EPHA6: variants seen among roughly 807,000 people sequenced by gnomAD.
EPHA6 encodes the protein EPH receptor A6, also known as ephrin type-A receptor 6.
EPHA6 carries 50 observed loss-of-function variants against 112.0 expected under a neutral mutation model. That is an observed-to-expected ratio of 0.45 (90% CI 0.36 to 0.56). EPHA6 has a LOEUF of 0.56. EPHA6 is among the 20% of genes least tolerant of loss of function. The pLI, the probability that EPHA6 is intolerant of heterozygous loss-of-function variation, is 0.00. For synonymous variants in EPHA6, 529 were observed against 490.7 expected, an observed-to-expected ratio of 1.08 and a Z score of -1.03; for missense variants, 1,280 against 1,417.4, an observed-to-expected ratio of 0.90 and a Z score of 1.56.
intron 3 of EPHA6, among the ~76,000 whole-genome samples, chr3:97,137,719 G>A (rs1559751047): frequency 6.6e-6 from 1 of 152,062 alleles, no homozygotes; most frequent in Non-Finnish European, 1.5e-5. Flanking sequence ...AGTAGGTCTA[G>A]ACATTGGTTT....
chr3:97,743,097 C>T (rs1455729292), intron 16 of EPHA6, among the ~76,000 whole-genome samples: 7 of 152,070 alleles, frequency 4.6e-5, no homozygotes, highest in African/African-American at 7.2e-5. Flanking sequence ...ACAGAATAAA[C>T]ATTTTCGCAA....
At chr3:96,829,809 T>A (rs950062285) in intron 1 of EPHA6, among the ~76,000 whole-genome samples, 4 of 152,086 alleles carry the variant, frequency 2.6e-5, no homozygotes, top group African/African-American at 9.7e-5. Context: ...AATGGAAATA[T>A]ATTGAGTTAC....
At chr3:96,988,400 G>C (rs748271931) in intron 3 of EPHA6, among the ~76,000 whole-genome samples, 1 of 152,026 alleles carries the variant, frequency 6.6e-6, no homozygotes, top group Non-Finnish European at 1.5e-5. Context: ...TTTTTATAAA[G>C]GAAAGCAGCA....
chr3:96,979,961 A>C (rs1204921500), intron 2 of EPHA6, among the ~76,000 whole-genome samples: 2 of 152,208 alleles, frequency 1.3e-5, no homozygotes. Flanking sequence ...GCCCTTTGTC[A>C]GATGAGTAGA....
intron 3 of EPHA6, among the ~76,000 whole-genome samples, chr3:97,050,622 T>C (rs1021693816): frequency 3.9e-5 from 6 of 152,148 alleles, no homozygotes; most frequent in African/African-American, 1.4e-4. Context: ...GGTAAGGAAA[T>C]AGAGTTCATG....
At chr3:97,265,600 G>A (rs2079652023) in intron 5 of EPHA6, among the ~76,000 whole-genome samples, 1 of 152,168 alleles carries the variant, frequency 6.6e-6, no homozygotes, top group South Asian at 2.1e-4. Context: ...AGGGGCAGGG[G>A]GGGCCTTCCC....
chr3:97,166,238 C>T (rs1299186944), intron 3 of EPHA6, among the ~76,000 whole-genome samples: 1 of 151,986 alleles, frequency 6.6e-6, no homozygotes, highest in African/African-American at 2.4e-5. Context: ...TACTTACACA[C>T]TTTAAACAAT....
intron 3 of EPHA6, among the ~76,000 whole-genome samples, chr3:97,168,619 C>T (rs72922351): frequency 3.3e-5 from 5 of 151,036 alleles, no homozygotes; most frequent in African/African-American, 1.2e-4. Context: ...GTCTCTGTCT[C>T]TCTCTTTCTC....
In EPHA6 at chr3:97,405,290, A is replaced by G; in HGVS notation, c.1731+16A>G. The G allele has an allele frequency of 6.2e-7, 1 of 1,606,060 alleles. No individual in the cohort carries two copies. On this transcript the variant is annotated intron_variant, in intron 6 of 17. Transcript: ENST00000389672. ...CTATGAGAAAGTAGGTCTTATTTGG[A>G]GCTTCCTATAAAACTACATATATAT...
chr3:97,649,794 CAAT>C (rs920048924), intron 14 of EPHA6, among the ~76,000 whole-genome samples: 27 of 149,988 alleles, frequency 1.8e-4, no homozygotes, highest in Admixed American at 5.3e-4. Flanking sequence ...ACACACACAA[CAAT>C]AGTTCTATGA....
rs533405941 is a variant in EPHA6, at chr3:96,892,940, T to TTA, written c.450+26065_450+26066dup. The stretch of plus-strand genomic sequence containing the variant: ...GTGTTTAGCCTAGCCTGATTCCAAC[T>TTA]TATATATATATATATGTGTGTGTGT... On this transcript the variant is annotated intron_variant, in intron 2 of 17. Coordinates refer to ENST00000389672, the MANE Select transcript of EPHA6 (RefSeq NM_001080448.3). 8.9e-3 allele frequency among the ~76,000 whole-genome samples: 1,290 copies of TTA among 145,498 alleles called. 54 individuals carry two copies. In the East Asian group the frequency reaches 0.13, roughly 15 times the overall value.
At position 96,994,728 on chromosome 3, in the gene EPHA6, T is replaced by TAG. The variant is rs1455826302; in HGVS notation, c.1114+6736_1114+6737insGA. On this transcript the variant is annotated intron_variant, in intron 3 of 17. Coordinates refer to ENST00000389672, the MANE Select transcript of EPHA6 (RefSeq NM_001080448.3). The stretch of plus-strand genomic sequence containing the variant: ...GTGTGTGTATATATATATATATATA[T>TAG]ATATAGAGAGAGAGAGAGAGAGAGA... 1.4e-3 allele frequency among the ~76,000 whole-genome samples: 112 copies of TAG among 78,818 alleles called. 1 individual carries two copies. The highest frequency in any genetic ancestry group is 5.6e-3 in the Middle Eastern group (1 of 180). 51.7% of individuals were successfully genotyped at this position (78,818 alleles called of 152,430 possible).
chr3:97,742,681 A>G (rs559479113), intron 16 of EPHA6, among the ~76,000 whole-genome samples: 5 of 152,260 alleles, frequency 3.3e-5, no homozygotes, highest in African/African-American at 7.2e-5. Flanking sequence ...ATCTATATCT[A>G]TATAGTATAT....
intron 3 of EPHA6, among the ~76,000 whole-genome samples, chr3:97,172,403 G>A (rs2076727191): frequency 6.6e-6 from 1 of 151,958 alleles, no homozygotes; most frequent in Non-Finnish European, 1.5e-5. Context: ...TTTCTATCCA[G>A]AATGCTAAAA....
rs778370956 is a variant in EPHA6, at chr3:97,483,952, A to C, written c.2093A>C (p.Lys698Thr). The C allele has an allele frequency of 6.3e-7, 1 of 1,599,804 alleles. No homozygotes were observed. Among genetic ancestry groups the C allele is most frequent in the Non-Finnish European group, 8.5e-7 (1 of 1,174,198 alleles). ...GTTGCAGTGCGCTTCCCGGGAATTA[A>C]AACTTACATTGATCCAGATACATAT... The part of the protein sequence containing the change: ...QNGHLRFPGI[K>T]TYIDPDTYED... Residue 698 changes from lysine to threonine, a missense_variant, in exon 10 of 18, where the codon AAA (lysine) becomes ACA (threonine). This residue lies in a region of EPHA6 where 878 missense variants were observed against 999.7 expected (regional missense o/e 0.88). Transcript: ENST00000389672.
At chr3:97,582,002 T>TTTTTTA (rs995867362) in intron 11 of EPHA6, among the ~76,000 whole-genome samples, 3 of 152,206 alleles carry the variant, frequency 2.0e-5, no homozygotes, top group Non-Finnish European at 2.9e-5. Flanking sequence ...GAAGCTGTTC[T>TTTTTTA]TTTTTATTTT....
At chr3:96,988,065 A>T in intron 3 of EPHA6, 72 bp downstream of exon 3, 1 of 1,225,960 alleles carries the variant, frequency 8.2e-7, no homozygotes, top group Non-Finnish European at 1.1e-6. Context: ...TTTTAAATTA[A>T]CAAATAGTAA....
rs374727443 is a variant in EPHA6 at position 97,588,891 on chromosome 3, C to A, written c.2387-3721C>A. Among the ~76,000 whole-genome samples the A allele has an allele frequency of 2.8e-4, 43 of 152,192 alleles. No homozygotes were observed. The South Asian group carries it at 8.9e-3, about 32-fold the overall frequency. On this transcript the variant is annotated intron_variant, in intron 11 of 17. Transcript: ENST00000389672. ...TTTCTTTCCTTTTTTATAATTTCAACTTTTATTTTAGATTAAGGAATACAT... is the reference window on the plus strand; with the variant it reads ...TTTCTTTCCTTTTTTATAATTTCAAATTTTATTTTAGATTAAGGAATACAT...
chr3:97,040,961 C>G (rs925435184), intron 3 of EPHA6, among the ~76,000 whole-genome samples: 2 of 152,080 alleles, frequency 1.3e-5, no homozygotes, highest in Non-Finnish European at 2.9e-5. Context: ...TTACCCTTAT[C>G]CAGACAATCT....
Sources: allele counts gnomAD v4.1 joint callset (sites outside exome capture counted in the v4.1 genomes callset), GRCh38; gene constraint gnomAD v4.1.1; regional missense constraint gnomAD v4.1.1; transcripts MANE v1.5; gene names NCBI Gene and HGNC (gene_info 2026-07-23, HGNC 2026-07-21).